The following STAT3 variants were observed in gnomAD, a reference collection of about 807,000 sequenced individuals.
STAT3 encodes signal transducer and activator of transcription 3.
In STAT3, 7 loss-of-function variants were observed where a neutral mutation model predicts 114.3. That is an observed-to-expected ratio of 0.06 (90% CI 0.03 to 0.11). STAT3 has a LOEUF of 0.11. Among genes scored for constraint, STAT3 ranks in the 10% least tolerant of loss-of-function variants. STAT3 has a pLI of 1.00. For synonymous variants in STAT3, 331 were observed against 354.5 expected, an observed-to-expected ratio of 0.93 and a Z score of 0.74; for missense variants, 364 against 960.9, an observed-to-expected ratio of 0.38 and a Z score of 8.21.
intron 1 of STAT3, among the ~76,000 whole-genome samples, chr17:42,355,724 A>G (rs1014572331): frequency 1.1e-4 from 17 of 152,236 alleles, no homozygotes; most frequent in African/African-American, 3.9e-4. Flanking sequence ...AAGTCTGTCC[A>G]AAGTTACAGT....
intron 1 of STAT3, among the ~76,000 whole-genome samples, chr17:42,374,430 A>C (rs186351242): frequency 1.3e-5 from 2 of 152,188 alleles, no homozygotes; most frequent in East Asian, 3.9e-4. Context: ...CAACACAGTG[A>C]AACCCCGTCT....
chr17:42,362,415 T>C (rs2083557830), intron 1 of STAT3, among the ~76,000 whole-genome samples: 1 of 152,212 alleles, frequency 6.6e-6, no homozygotes, highest in Non-Finnish European at 1.5e-5. Context: ...AACATCTGTG[T>C]GCTTGCCTCC....
intron 21 of STAT3, among the ~76,000 whole-genome samples, chr17:42,321,989 ATTT>A (rs1049911146): frequency 4.0e-5 from 6 of 151,826 alleles, no homozygotes; most frequent in African/African-American, 1.5e-4. Context: ...ACACCGGGTA[ATTT>A]TTTTGGATTT....
At position 42,318,033 on chromosome 17, in the gene STAT3, A is replaced by G. The variant is rs575704789; in HGVS notation, c.2102-809T>C. Among the ~76,000 whole-genome samples, 31 of 151,964 alleles carry G rather than the reference A, an allele frequency of 2.0e-4. No individual in the cohort carries two copies. In the South Asian group the frequency reaches 6.5e-3, roughly 32 times the overall value. On this transcript the variant is annotated intron_variant, in intron 21 of 23. Transcript: ENST00000264657. ...CAGTGGCACAATCTCGGTTACCGCAACCTCCTACTCCCAGGTCAAAACGAT... is the reference window on the plus strand; with the variant it reads ...CAGTGGCACAATCTCGGTTACCGCAGCCTCCTACTCCCAGGTCAAAACGAT...
chr17:42,317,523 C>A (rs528598695), intron 21 of STAT3: 35 of 500,218 alleles, frequency 7.0e-5, no homozygotes, highest in South Asian at 2.4e-4. Context: ...TGTGTCCCTT[C>A]TTTCCCTAGA....
intron 4 of STAT3, among the ~76,000 whole-genome samples, chr17:42,343,734 T>A (rs2082562046): frequency 6.6e-6 from 1 of 152,144 alleles, no homozygotes; most frequent in Non-Finnish European, 1.5e-5. Flanking sequence ...ATTACAGGCG[T>A]GAGACATCGT....
chr17:42,335,382 G>C (rs2082189154), intron 8 of STAT3, among the ~76,000 whole-genome samples: 1 of 152,024 alleles, frequency 6.6e-6, no homozygotes, highest in Non-Finnish European at 1.5e-5. Flanking sequence ...TGTAGGGATG[G>C]GATCTCACTT....
intron 21 of STAT3, among the ~76,000 whole-genome samples, chr17:42,321,579 T>C (rs1167496752): frequency 6.6e-6 from 1 of 152,190 alleles, no homozygotes; most frequent in Non-Finnish European, 1.5e-5. Context: ...TCTTCTACTC[T>C]AGTGTAAACC....
intron 1 of STAT3, among the ~76,000 whole-genome samples, chr17:42,374,552 G>A (rs983866199): frequency 2.6e-4 from 38 of 148,580 alleles, no homozygotes; most frequent in African/African-American, 8.6e-4. Flanking sequence ...AGAGGTTGCA[G>A]TGAGCTGAGA....
At chr17:42,362,893 C>T (rs1431677796) in intron 1 of STAT3, among the ~76,000 whole-genome samples, 2 of 152,196 alleles carry the variant, frequency 1.3e-5, no homozygotes, top group African/African-American at 2.4e-5. Flanking sequence ...ACACCAGGCT[C>T]CTGCCTGCCA....
intron 15 of STAT3, among the ~76,000 whole-genome samples, chr17:42,325,507 T>A (rs1034091259): frequency 5.3e-5 from 8 of 152,174 alleles, no homozygotes; most frequent in African/African-American, 1.9e-4. Context: ...ATTTTCTGTA[T>A]ACTAAACACA....
chr17:42,348,764 G>A (rs1452198405), intron 1 of STAT3, among the ~76,000 whole-genome samples: 1 of 151,804 alleles, frequency 6.6e-6, no homozygotes, highest in Non-Finnish European at 1.5e-5. Flanking sequence ...GGACTCAAGT[G>A]ATCCTCCCAC....
chr17:42,354,414 C>T (rs1291108483), intron 1 of STAT3, among the ~76,000 whole-genome samples: 2 of 150,768 alleles, frequency 1.3e-5, no homozygotes, highest in African/African-American at 2.4e-5. Flanking sequence ...GTGATCCGCC[C>T]GCCTCGGCCT....
intron 14 of STAT3, among the ~76,000 whole-genome samples, chr17:42,328,391 A>C (rs918919307): frequency 8.5e-5 from 13 of 152,234 alleles, no homozygotes; most frequent in African/African-American, 2.9e-4. Flanking sequence ...ACATTTTTAA[A>C]AAGGACTGCT....
intron 1 of STAT3, among the ~76,000 whole-genome samples, chr17:42,368,921 C>T (rs2083952441): frequency 2.0e-5 from 3 of 151,988 alleles, no homozygotes; most frequent in Non-Finnish European, 4.4e-5. Flanking sequence ...TCAAGTAAAC[C>T]CCAGTATCTG....
chr17:42,346,470 G>T, intron 3 of STAT3, 99 bp downstream of exon 3: 1 of 1,547,538 alleles, frequency 6.5e-7, no homozygotes, highest in Non-Finnish European at 8.9e-7. Context: ...ATAGATTCTC[G>T]TTACTTAGCC....
At chr17:42,366,202 A>G (rs1172378293) in intron 1 of STAT3, among the ~76,000 whole-genome samples, 2 of 152,110 alleles carry the variant, frequency 1.3e-5, no homozygotes, top group Admixed American at 6.6e-5. Flanking sequence ...AACCTCTCCC[A>G]GCCGGCTTCT....
chr17:42,374,413 G>C (rs1011018823), intron 1 of STAT3, among the ~76,000 whole-genome samples: 1 of 151,984 alleles, frequency 6.6e-6, no homozygotes, highest in Non-Finnish European at 1.5e-5. Flanking sequence ...TTTGAAACCA[G>C]TCTGACCAAC....
At chr17:42,381,729 C>CT (rs1201401881) in intron 1 of STAT3, among the ~76,000 whole-genome samples, 2 of 134,042 alleles carry the variant, frequency 1.5e-5, no homozygotes, top group African/African-American at 3.1e-5. Flanking sequence ...GAGACTCCAT[C>CT]TCAAAAAAAA....
Sources: allele counts gnomAD v4.1 joint callset (sites outside exome capture counted in the v4.1 genomes callset), GRCh38; gene constraint gnomAD v4.1.1; transcripts MANE v1.5; gene names NCBI Gene and HGNC (gene_info 2026-07-23, HGNC 2026-07-21).